Variants in PCDHA3 observed in about 807,000 individuals in gnomAD.
The protein encoded by PCDHA3 is protocadherin alpha-3.
Under a neutral mutation model 62.2 loss-of-function variants are expected in PCDHA3, and 41 were observed. That is an observed-to-expected ratio of 0.66 (90% CI 0.51 to 0.86). PCDHA3 has a LOEUF of 0.86. Ranked by LOEUF, PCDHA3 falls within the 40% of genes least tolerant of loss-of-function variation. PCDHA3 has a pLI of 0.00. For synonymous variants in PCDHA3, 640 were observed against 555.4 expected (o/e 1.15, Z -2.14); for missense variants, 1,304 against 1,241.2 (o/e 1.05, Z -0.76).
chr5:140,822,407 T>C (rs2150116149), intron 1 of PCDHA3: 1 of 1,614,074 alleles, frequency 6.2e-7, no homozygotes, highest in Non-Finnish European at 8.5e-7. Context: ...CGTTTATTAG[T>C]GATTGCAACT....
At chr5:140,958,278 T>A (rs1445019557) in intron 1 of PCDHA3, among the ~76,000 whole-genome samples, 1 of 152,090 alleles carries the variant, frequency 6.6e-6, no homozygotes, top group Non-Finnish European at 1.5e-5. Flanking sequence ...GAAGTATATA[T>A]TTTAAATATT....
Position 140,895,072 on chromosome 5 carries a change from A to C in PCDHA3, c.2395-83877A>C, listed in dbSNP as rs974661383. On this transcript the variant is annotated intron_variant, in intron 1 of 3. Coordinates refer to ENST00000522353, the MANE Select transcript of PCDHA3 (RefSeq NM_018906.3). ...TCTGCTTCATATGGACTCAATTCCT[A>C]TCAGTTCCTCCTCAGTATAGGGGTT... 2.6e-5 allele frequency among the ~76,000 whole-genome samples: 4 copies of C among 152,208 alleles called. No homozygotes were observed. In the South Asian group the frequency reaches 6.2e-4, roughly 24 times the overall value.
chr5:140,901,907 A>C (rs1204627106), intron 1 of PCDHA3, among the ~76,000 whole-genome samples: 1 of 150,942 alleles, frequency 6.6e-6, no homozygotes, highest in African/African-American at 2.4e-5. Context: ...CATTGTGGAG[A>C]TCTTTCACTT....
chr5:140,939,710 T>A (rs1317905162), intron 1 of PCDHA3, among the ~76,000 whole-genome samples: 8 of 152,230 alleles, frequency 5.3e-5, no homozygotes, highest in Non-Finnish European at 1.2e-4. Context: ...ATTTGTGAGA[T>A]ACATTTATAT....
chr5:140,857,377 G>C (rs1347476888), intron 1 of PCDHA3: 3 of 1,598,472 alleles, frequency 1.9e-6, no homozygotes, highest in Non-Finnish European at 1.7e-6. Flanking sequence ...TGTCTGTGGA[G>C]GTGGCCGACG....
At chr5:140,936,446 C>G (rs1200299868) in intron 1 of PCDHA3, among the ~76,000 whole-genome samples, 1 of 152,164 alleles carries the variant, frequency 6.6e-6, no homozygotes, top group Non-Finnish European at 1.5e-5. Flanking sequence ...TAAATAACCA[C>G]ATCTGTTTAG....
In PCDHA3 at chr5:140,869,539, A is replaced by G. The variant is rs782023058; in HGVS notation, c.2394+65948A>G. The G allele has an allele frequency of 2.5e-6, 4 of 1,614,088 alleles. No homozygotes were observed. The South Asian group carries it at 3.3e-5, about 13-fold the overall frequency. On this transcript the variant is annotated intron_variant, in intron 1 of 3. Coordinates refer to ENST00000522353, the MANE Select transcript of PCDHA3 (RefSeq NM_018906.3). ...ACAAAAGCTGCTGATTGCGGAATCT[A>G]AGCAATCGGACTCGCGTTTTCCACT...
rs1340886726 is a variant in PCDHA3, at chr5:140,874,290, G to A, written c.2394+70699G>A. Among the ~76,000 whole-genome samples, 3 of 152,146 alleles carry A rather than the reference G, an allele frequency of 2.0e-5. No homozygotes were observed. The East Asian group carries it at 5.8e-4, about 29-fold the overall frequency. On this transcript the variant is annotated intron_variant, in intron 1 of 3. Transcript: ENST00000522353. ...GTATTAATAGACTTACAAAATCTAT[G>A]TGTACTTGTTCACAATGAGTTGTAG...
intron 3 of PCDHA3, among the ~76,000 whole-genome samples, chr5:141,002,939 A>G (rs2098103546): frequency 6.6e-6 from 1 of 152,238 alleles, no homozygotes; most frequent in Admixed American, 6.5e-5. Context: ...AACACCCTCC[A>G]GCACATGCCC....
rs2150305590 is a variant in PCDHA3, at chr5:140,840,302, C to A, written c.2394+36711C>A. Among the ~76,000 whole-genome samples, 18 of 151,968 alleles carry A rather than the reference C, an allele frequency of 1.2e-4. No individual in the cohort carries two copies. The East Asian group carries it at 3.3e-3, about 28-fold the overall frequency. ...TTTGGGTGATTATTGATTAGATATTCTTTTAACTTTGGTCGACTCATTTTC... is the reference window on the plus strand; with the variant it reads ...TTTGGGTGATTATTGATTAGATATTATTTTAACTTTGGTCGACTCATTTTC... On this transcript the variant is annotated intron_variant, in intron 1 of 3. Transcript: ENST00000522353.
chr5:141,002,120 T>C (rs1416494483), intron 3 of PCDHA3, among the ~76,000 whole-genome samples: 1 of 152,250 alleles, frequency 6.6e-6, no homozygotes, highest in African/African-American at 2.4e-5. Context: ...CTATAATCAT[T>C]TAATAGCCTT....
chr5:140,807,414 A>T (rs1554124003), intron 1 of PCDHA3: 1 of 1,585,622 alleles, frequency 6.3e-7, no homozygotes, highest in Admixed American at 1.7e-5. Context: ...GGCCTTCTGG[A>T]GGTAAATCTG....
intron 1 of PCDHA3, chr5:140,850,972 T>C (rs2150504573): frequency 6.8e-7 from 1 of 1,465,332 alleles, no homozygotes; most frequent in African/African-American, 1.4e-5. Flanking sequence ...GCCGTTCAAA[T>C]AGTTTTATTC....
rs1554146062 is a variant in PCDHA3, at chr5:140,852,704, C to G, written c.2394+49113C>G. The G allele has an allele frequency of 8.2e-6, 8 of 978,408 alleles. 1 individual carries two copies. The highest frequency in any genetic ancestry group is 7.4e-6 in the Non-Finnish European group (6 of 811,580). The allele number at this position is 978,408 out of a possible 1,614,324, so 60.6% of individuals were successfully genotyped here. ...AATATAGTCTTATACTTTCAAGTAT[C>G]TTTGTCTTTGCACGTTTTTCAAGTT... On this transcript the variant is annotated intron_variant, in intron 1 of 3. Transcript: ENST00000522353.
chr5:140,872,902 C>G lies in PCDHA3; in HGVS notation c.2394+69311C>G, dbSNP rs78252676. ...TCATTCATCTCACTTTGTAACTGCT[C>G]TATCTTGTAATGCCTTATCTCTAAT... On this transcript the variant is annotated intron_variant, in intron 1 of 3. Coordinates refer to ENST00000522353, the MANE Select transcript of PCDHA3 (RefSeq NM_018906.3). Among the ~76,000 whole-genome samples, 460 of 152,278 alleles carry G rather than the reference C, an allele frequency of 3.0e-3. 1 individual carries two copies. The highest frequency in any genetic ancestry group is 9.4e-3 in the Admixed American group (143 of 15,288).
chr5:140,988,862 T>G (rs1554250483), intron 3 of PCDHA3: 2 of 152,218 alleles, frequency 1.3e-5, no homozygotes, highest in Non-Finnish European at 1.5e-5. Flanking sequence ...CAGTCTCATG[T>G]GCACTCAGAT....
chr5:140,953,456 C>T (rs1159331179), intron 1 of PCDHA3, among the ~76,000 whole-genome samples: 1 of 152,110 alleles, frequency 6.6e-6, no homozygotes, highest in Admixed American at 6.5e-5. Context: ...GATTATCTGT[C>T]AGAGTTTTAA....
chr5:140,969,586 C>A lies in PCDHA3; in HGVS notation c.2395-9363C>A. The A allele has an allele frequency of 3.4e-6, 3 of 894,952 alleles. No homozygotes were observed. In the Admixed American group the frequency reaches 9.0e-5, roughly 27 times the overall value. The allele number at this position is 894,952 out of a possible 1,614,324, so 55.4% of individuals were successfully genotyped here. A position where few individuals can be genotyped will look rare whatever the true frequency, so the allele number is the denominator to read the frequency against. ...AATTGTTTGAGAAGTGAGGATTAGT[C>A]TTAATATTTAATGCTAAAACACAGA... On this transcript the variant is annotated intron_variant, in intron 1 of 3. Transcript: ENST00000522353.
chr5:140,932,704 A>G (rs1365268266), intron 1 of PCDHA3, among the ~76,000 whole-genome samples: 1 of 151,932 alleles, frequency 6.6e-6, no homozygotes, highest in Non-Finnish European at 1.5e-5. Context: ...ACTCATATAG[A>G]CAACACAATA....
Sources: allele counts gnomAD v4.1 joint callset (sites outside exome capture counted in the v4.1 genomes callset), GRCh38; gene constraint gnomAD v4.1.1; transcripts MANE v1.5; gene names NCBI Gene and HGNC (gene_info 2026-07-23, HGNC 2026-07-21).